SHROOM3: variants seen among roughly 807,000 people sequenced by gnomAD.
The protein encoded by SHROOM3 is protein Shroom3.
Under a neutral mutation model 138.6 loss-of-function variants are expected in SHROOM3, and 47 were observed. The observed-to-expected ratio is 0.34, with a 90% CI of 0.27 to 0.43. The LOEUF (loss-of-function observed/expected upper bound fraction) is 0.43. SHROOM3 is among the 20% of genes least tolerant of loss of function. SHROOM3 has a pLI of 1.00. For missense variants in SHROOM3, 2,491 were observed against 2,596.5 expected (o/e 0.96, Z 0.88); for synonymous variants, 1,062 against 1,063.3 (o/e 1.00, Z 0.02).
intron 2 of SHROOM3, among the ~76,000 whole-genome samples, chr4:76,644,564 G>A (rs935035627): frequency 4.1e-5 from 6 of 148,108 alleles, no homozygotes; most frequent in Admixed American, 3.4e-4. Flanking sequence ...CAGGACATAC[G>A]GGGTTTTTTT....
chr4:76,633,520 G>A (rs982028394), intron 2 of SHROOM3, among the ~76,000 whole-genome samples: 2 of 151,462 alleles, frequency 1.3e-5, no homozygotes, highest in African/African-American at 2.4e-5. Flanking sequence ...GCCGGGTGTG[G>A]TGGCGGGCGC....
chr4:76,557,290 G>A (rs1411921863), intron 2 of SHROOM3, among the ~76,000 whole-genome samples: 1 of 146,498 alleles, frequency 6.8e-6, no homozygotes, highest in Non-Finnish European at 1.5e-5. Flanking sequence ...CATAAAAAAA[G>A]AAGGAAATCT....
intron 10 of SHROOM3, among the ~76,000 whole-genome samples, chr4:76,777,562 C>A (rs1578042085): frequency 6.6e-6 from 1 of 152,148 alleles, no homozygotes; most frequent in East Asian, 1.9e-4. Flanking sequence ...TTGGCTTCCT[C>A]TTTACCAATT....
rs748096903 is a variant in SHROOM3 at position 76,740,777 on chromosome 4, C to T, written c.2604C>T (p.Ser868=). ...ASRQPCGQQL[S]GGASDSGRGP... is the part of the protein sequence containing the mutation. Reference sequence around the variant, plus strand: ...GGCAGCCCTGCGGTCAGCAGCTGAGCGGAGGAGCGTCGGACAGCGGCCGTG... The same window carrying T: ...GGCAGCCCTGCGGTCAGCAGCTGAGTGGAGGAGCGTCGGACAGCGGCCGTG... Residue 868 remains serine (S), a synonymous_variant, in exon 5 of 11, where the codon AGC becomes AGT. Coordinates refer to ENST00000296043, the MANE Select transcript of SHROOM3 (RefSeq NM_020859.4). The surrounding 1 kb of genome is among the most constrained non-coding windows in gnomAD (Gnocchi z 4.0). 5 of 1,612,328 alleles carry T rather than the reference C, an allele frequency of 3.1e-6. No homozygotes were observed. The highest frequency in any genetic ancestry group is 3.3e-4 in the Middle Eastern group (2 of 5,992).
chr4:76,771,621 C>G (rs1247239064), intron 10 of SHROOM3, among the ~76,000 whole-genome samples: 3 of 152,160 alleles, frequency 2.0e-5, no homozygotes, highest in African/African-American at 7.2e-5. Flanking sequence ...CACTGCACCC[C>G]CTCCTCGAAG....
At chr4:76,687,540 C>T (rs189915246) in intron 2 of SHROOM3, among the ~76,000 whole-genome samples, 1 of 152,314 alleles carries the variant, frequency 6.6e-6, no homozygotes, top group East Asian at 1.9e-4. Flanking sequence ...AACTAACCCC[C>T]AGCTCATGCA....
At chr4:76,476,994 G>T (rs781599865) in intron 1 of SHROOM3, among the ~76,000 whole-genome samples, 2 of 152,130 alleles carry the variant, frequency 1.3e-5, no homozygotes, top group Non-Finnish European at 1.5e-5. Context: ...TTGAGACAGA[G>T]TCTCACTCTG....
At chr4:76,521,135 C>T (rs577145243) in intron 1 of SHROOM3, among the ~76,000 whole-genome samples, 1 of 152,180 alleles carries the variant, frequency 6.6e-6, no homozygotes, top group South Asian at 2.1e-4. Context: ...GACCTAATCT[C>T]TAATATTCCC....
At position 76,491,327 on chromosome 4, in the gene SHROOM3, C is replaced by T. The variant is rs191208666; in HGVS notation, c.168+55107C>T. On this transcript the variant is annotated intron_variant, in intron 1 of 10. Transcript: ENST00000296043. Reference sequence around the variant, plus strand: ...AAGCCAATTTGGAAAGACTTCTTGGCCTGTGTTGGTGGCAGGGCACTGCCC... The same window carrying T: ...AAGCCAATTTGGAAAGACTTCTTGGTCTGTGTTGGTGGCAGGGCACTGCCC... Among the ~76,000 whole-genome samples, 593 of 152,264 alleles carry T rather than the reference C, an allele frequency of 3.9e-3. 2 individuals carry two copies. The highest frequency in any genetic ancestry group is 6.5e-3 in the Non-Finnish European group (444 of 68,008).
rs1258754893 is a variant in SHROOM3 at position 76,781,435 on chromosome 4, T to C, written c.*2258T>C. The C allele has an allele frequency of 1.3e-5, 2 of 152,374 alleles. No individual in the cohort carries two copies. Among genetic ancestry groups the C allele is most frequent in the East Asian group, 3.9e-4 (2 of 5,182 alleles). The allele number at this position is 152,374 out of a possible 1,614,324, so 9.4% of individuals were successfully genotyped here. The stretch of plus-strand genomic sequence containing the variant: ...GAGCCACTTCACCCAGCCACTTTTC[T>C]AATTTATAGACATAAAAGTAATTGA... On this transcript the variant is annotated 3_prime_UTR_variant, in exon 11 of 11. Coordinates refer to ENST00000296043, the MANE Select transcript of SHROOM3 (RefSeq NM_020859.4).
intron 2 of SHROOM3, among the ~76,000 whole-genome samples, chr4:76,697,087 ATTTTTTTTT>A (rs1163545473): frequency 7.4e-6 from 1 of 135,788 alleles, no homozygotes; most frequent in African/African-American, 2.7e-5. Context: ...CAGCTAATTA[ATTTTTTTTT>A]TTTTTTTTTT....
chr4:76,527,475 C>T (rs190394559), intron 1 of SHROOM3, among the ~76,000 whole-genome samples: 18 of 152,212 alleles, frequency 1.2e-4, no homozygotes, highest in South Asian at 2.1e-4. Flanking sequence ...CCCAGCTACT[C>T]GGGAGGCTGA....
At chr4:76,650,517 GTATATTTA>G (rs1352910190) in intron 2 of SHROOM3, among the ~76,000 whole-genome samples, 1 of 143,286 alleles carries the variant, frequency 7.0e-6, no homozygotes, top group Non-Finnish European at 1.5e-5. Context: ...TTTTTTTTAA[GTATATTTA>G]TTTATTTATT....
At chr4:76,462,813 C>T (rs887139088) in intron 1 of SHROOM3, among the ~76,000 whole-genome samples, 2 of 151,898 alleles carry the variant, frequency 1.3e-5, no homozygotes, top group Non-Finnish European at 2.9e-5. Context: ...TTCCCTTTTG[C>T]CTTCCACCAT....
chr4:76,726,421 C>T (rs1410469093), intron 3 of SHROOM3, among the ~76,000 whole-genome samples: 3 of 151,864 alleles, frequency 2.0e-5, no homozygotes, highest in Admixed American at 1.3e-4. Flanking sequence ...CAGCCCAGCC[C>T]TCAGTCCTCT....
At chr4:76,612,259 C>T (rs1357617380) in intron 2 of SHROOM3, among the ~76,000 whole-genome samples, 2 of 152,222 alleles carry the variant, frequency 1.3e-5, no homozygotes, top group Non-Finnish European at 2.9e-5. Context: ...GCAGGATTTT[C>T]TAGTTAAACC....
chr4:76,517,453 G>A (rs555466720), intron 1 of SHROOM3, among the ~76,000 whole-genome samples: 2 of 152,272 alleles, frequency 1.3e-5, no homozygotes, highest in African/African-American at 4.8e-5. Context: ...ACTGTTCTCA[G>A]CTCTGCTGGT....
intron 2 of SHROOM3, among the ~76,000 whole-genome samples, chr4:76,707,631 G>C (rs1560597388): frequency 6.6e-6 from 1 of 152,114 alleles, no homozygotes; most frequent in Non-Finnish European, 1.5e-5. Flanking sequence ...GAGACAGCAT[G>C]AGTTCAATGT....
chr4:76,548,490 G>A (rs369832950), intron 1 of SHROOM3, among the ~76,000 whole-genome samples: 2 of 152,184 alleles, frequency 1.3e-5, no homozygotes, highest in Admixed American at 6.5e-5. Flanking sequence ...AAAGCACCAC[G>A]TCAAGCTGTG....
Sources: gnomAD v4.1 joint callset for allele counts (sites outside exome capture counted in the v4.1 genomes callset) on GRCh38, gnomAD v4.1.1 for gene constraint, Gnocchi (gnomAD v3.1) non-coding constraint, MANE v1.5 for transcripts, NCBI Gene and HGNC (gene_info 2026-07-23, HGNC 2026-07-21) for gene names.